Variants in PUM2 observed in about 807,000 individuals in gnomAD.
The protein encoded by PUM2 is pumilio homolog 2.
In PUM2, 57 loss-of-function variants were observed where a neutral mutation model predicts 124.5. That is an observed-to-expected ratio of 0.46 (90% CI 0.37 to 0.57). The LOEUF (loss-of-function observed/expected upper bound fraction) is 0.57, where lower values mean the gene tolerates loss of function less well. Among genes scored for constraint, PUM2 ranks in the 20% least tolerant of loss-of-function variants. The pLI is 0.00. For synonymous variants in PUM2, 460 were observed against 446.1 expected (o/e 1.03, Z -0.39); for missense variants, 1,065 against 1,290.6 (o/e 0.83, Z 2.68).
chr2:20,293,969 C>T (rs1674869715), intron 9 of PUM2, among the ~76,000 whole-genome samples: 1 of 151,910 alleles, frequency 6.6e-6, no homozygotes, highest in Non-Finnish European at 1.5e-5. Context: ...TCATTTCTTG[C>T]TTAAAAATAA....
intron 4 of PUM2, 137 bp from the exon 5 acceptor site, chr2:20,311,800 A>G (rs1679668930): frequency 9.5e-7 from 1 of 1,057,906 alleles, no homozygotes; most frequent in Non-Finnish European, 1.3e-6. Flanking sequence ...GTAGTCAATT[A>G]ATTTATCAAA....
chr2:20,310,305 T>G (rs1056517848), intron 5 of PUM2, among the ~76,000 whole-genome samples: 1 of 152,056 alleles, frequency 6.6e-6, no homozygotes, highest in Non-Finnish European at 1.5e-5. Context: ...TCCACATTAA[T>G]ATTTCAGGGG....
chr2:20,252,201 T>TA (rs1663565188), intron 20 of PUM2, among the ~76,000 whole-genome samples: 1 of 152,178 alleles, frequency 6.6e-6, no homozygotes, highest in Non-Finnish European at 1.5e-5. Flanking sequence ...GGTAGACACT[T>TA]AGAGGCCAGT....
At chr2:20,285,878 C>G (rs1672597189) in intron 10 of PUM2, among the ~76,000 whole-genome samples, 1 of 152,000 alleles carries the variant, frequency 6.6e-6, no homozygotes, top group Admixed American at 6.6e-5. Flanking sequence ...GTTAATAATT[C>G]AAAGCTGAGA....
intron 8 of PUM2, among the ~76,000 whole-genome samples, chr2:20,294,858 C>T (rs922728710): frequency 6.6e-6 from 1 of 152,230 alleles, no homozygotes; most frequent in East Asian, 1.9e-4. Flanking sequence ...TTTTTAAATG[C>T]TCATTCATCG....
Position 20,278,742 on chromosome 2 carries a change from T to C in PUM2, c.1798A>G (p.Ser600Gly). 2 of 1,613,688 alleles carry C rather than the reference T, an allele frequency of 1.2e-6. No individual in the cohort carries two copies. Among genetic ancestry groups the C allele is most frequent in the Non-Finnish European group, 1.7e-6 (2 of 1,179,738 alleles). ...GGTTGCCCTATGGGTGCTAGGCTGC[T>C]ACTAGATCTTTTGTACAAGTCAGAG... Reference protein sequence around the residue: ...TSSDLYKRSSSSLAPIGQPFY... With the variant: ...TSSDLYKRSSGSLAPIGQPFY... Residue 600 changes from serine to glycine, a missense_variant, in exon 13 of 21, where the codon AGC becomes GGC. By Grantham distance (56) the Ser-to-Gly change is moderately conservative. Coordinates refer to ENST00000361078, the MANE Select transcript of PUM2 (RefSeq NM_015317.5).
At chr2:20,296,233 C>A (rs943227803) in intron 8 of PUM2, among the ~76,000 whole-genome samples, 1 of 152,174 alleles carries the variant, frequency 6.6e-6, no homozygotes, top group Non-Finnish European at 1.5e-5. Context: ...CGGTGGCTCA[C>A]GCCTGTAATC....
At position 20,329,911 on chromosome 2, in the gene PUM2, T is replaced by C. The variant is rs79627831; in HGVS notation, c.-18-2533A>G. 9.0e-3 allele frequency among the ~76,000 whole-genome samples: 1,369 copies of C among 152,090 alleles called. 23 individuals carry two copies. Among genetic ancestry groups the C allele is most frequent in the African/African-American group, 0.03 (1,251 of 41,466 alleles). On this transcript the variant is annotated intron_variant, in intron 1 of 20. Transcript: ENST00000361078. ...AGGAATGAACAGGATGGTAAAAATATTGAAGAAACAATGGCCAGAAATTCC... is the reference window on the plus strand; with the variant it reads ...AGGAATGAACAGGATGGTAAAAATACTGAAGAAACAATGGCCAGAAATTCC...
intron 2 of PUM2, 26 bp from the exon 3 acceptor site, chr2:20,318,671 A>C: frequency 6.7e-7 from 1 of 1,483,094 alleles, no homozygotes; most frequent in Non-Finnish European, 9.4e-7. Flanking sequence ...ATTACAGTTA[A>C]ATTTTATTCT....
chr2:20,306,583 GCACT>G (rs1186210283), intron 7 of PUM2, among the ~76,000 whole-genome samples: 1 of 150,700 alleles, frequency 6.6e-6, no homozygotes, highest in Non-Finnish European at 1.5e-5. Flanking sequence ...GCTGCGACTG[GCACT>G]CACCTATAAA....
chr2:20,257,043 C>CAAAAAAAAAAAAAAAAAAAAAAAAAAA (rs58072146), intron 16 of PUM2, among the ~76,000 whole-genome samples: 2 of 71,808 alleles, frequency 2.8e-5, no homozygotes, highest in African/African-American at 1.2e-4. Flanking sequence ...GATTCCGTCT[C>CAAAAAAAAAAAAAAAAAAAAAAAAAAA]AAAAAAAAAA....
intron 3 of PUM2, among the ~76,000 whole-genome samples, chr2:20,315,299 C>T (rs1558626799): frequency 6.6e-6 from 1 of 152,088 alleles, no homozygotes; most frequent in Non-Finnish European, 1.5e-5. Context: ...TGCTGGAGAA[C>T]ATGATGAACC....
rs1672056208 is a variant in PUM2, at chr2:20,283,566, T to G, written c.1292-80A>C. 46 of 1,396,930 alleles carry G rather than the reference T, an allele frequency of 3.3e-5. No individual in the cohort carries two copies. In the South Asian group the frequency reaches 5.8e-4, roughly 18 times the overall value. The allele number at this position is 1,396,930 out of a possible 1,614,324, so 86.5% of individuals were successfully genotyped here. ...TTGTTTTTCCCTGCATTTGTATTTT[T>G]TCAACTAGACAACACAGCTATTTGT... On this transcript the variant is annotated intron_variant, in intron 10 of 20. Coordinates refer to ENST00000361078, the MANE Select transcript of PUM2 (RefSeq NM_015317.5).
At position 20,288,663 on chromosome 2, in the gene PUM2, T is replaced by A. The variant is rs542315047; in HGVS notation, c.1291+1989A>T. ...AGTAACTAGGGATCTGATAAAGTAC[T>A]GAAGAAAGCTAGAAAGAAGAGCTAA... On this transcript the variant is annotated intron_variant, in intron 10 of 20. Coordinates refer to ENST00000361078, the MANE Select transcript of PUM2 (RefSeq NM_015317.5). 8.5e-5 allele frequency among the ~76,000 whole-genome samples: 13 copies of A among 152,264 alleles called. No individual in the cohort carries two copies. The East Asian group carries it at 1.9e-3, about 23-fold the overall frequency.
intron 20 of PUM2, among the ~76,000 whole-genome samples, chr2:20,252,040 T>G (rs1321962161): frequency 6.6e-6 from 1 of 152,204 alleles, no homozygotes; most frequent in Non-Finnish European, 1.5e-5. Flanking sequence ...AAGACTTTTG[T>G]ACAAAGCACT....
rs1181716538 is a variant in PUM2, at chr2:20,266,119, G to C, written c.1958-2659C>G. ...AAAAAACCATAGACATTCAGTTCTAGAAGACTAAGTGGTCTTCTCATATAT... is the reference window on the plus strand; with the variant it reads ...AAAAAACCATAGACATTCAGTTCTACAAGACTAAGTGGTCTTCTCATATAT... On this transcript the variant is annotated intron_variant, in intron 13 of 20. Transcript: ENST00000361078. Among the ~76,000 whole-genome samples, 3 of 152,202 alleles carry C rather than the reference G, an allele frequency of 2.0e-5. No individual in the cohort carries two copies. The East Asian group carries it at 5.8e-4, about 29-fold the overall frequency.
Position 20,290,640 on chromosome 2 carries a change from C to T in PUM2, c.1291+12G>A, listed in dbSNP as rs1673821620. The T allele has an allele frequency of 6.3e-7, 1 of 1,595,284 alleles. No homozygotes were observed. ...AATCTATTCAAATTTCCACAAATGACCAATTGTATACCTGGCATGCCAGTA... is the reference window on the plus strand; with the variant it reads ...AATCTATTCAAATTTCCACAAATGATCAATTGTATACCTGGCATGCCAGTA... On this transcript the variant is annotated intron_variant, in intron 10 of 20. Coordinates refer to ENST00000361078, the MANE Select transcript of PUM2 (RefSeq NM_015317.5).
chr2:20,339,325 A>C (rs1482133260), intron 1 of PUM2, among the ~76,000 whole-genome samples: 1 of 151,962 alleles, frequency 6.6e-6, no homozygotes, highest in Non-Finnish European at 1.5e-5. Context: ...GAAAATGACC[A>C]GGGTTAACCC....
At chr2:20,310,232 T>C (rs1043765006) in intron 5 of PUM2, among the ~76,000 whole-genome samples, 7 of 152,180 alleles carry the variant, frequency 4.6e-5, no homozygotes, top group African/African-American at 1.4e-4. Context: ...CTAAAATAAT[T>C]AGTAATTTAA....
Sources: allele counts gnomAD v4.1 joint callset (sites outside exome capture counted in the v4.1 genomes callset), GRCh38; gene constraint gnomAD v4.1.1; transcripts MANE v1.5; gene names NCBI Gene and HGNC (gene_info 2026-07-23, HGNC 2026-07-21).